Variants in MDM1 observed in about 807,000 individuals in gnomAD.
The protein encoded by MDM1 is stabilizer of axonemal microtubules 6.
A neutral mutation model predicts 89.1 loss-of-function variants in MDM1; 61 were observed. That is an observed-to-expected ratio of 0.68 (90% CI 0.56 to 0.85). The LOEUF (loss-of-function observed/expected upper bound fraction) is 0.85. Ranked by LOEUF, MDM1 falls within the 40% of genes least tolerant of loss-of-function variation. The pLI is 0.00. For synonymous variants in MDM1, 290 were observed against 294.1 expected (o/e 0.99, Z 0.14); for missense variants, 820 against 846.5 (o/e 0.97, Z 0.39).
At position 68,315,195 on chromosome 12, in the gene MDM1, C is replaced by T. The variant is rs767465566; in HGVS notation, c.1282G>A (p.Glu428Lys). The T allele has an allele frequency of 4.3e-6, 7 of 1,614,170 alleles. No homozygotes were observed. Among genetic ancestry groups the T allele is most frequent in the Non-Finnish European group, 5.9e-6 (7 of 1,180,018 alleles). Residue 428 changes from glutamate to lysine, a missense_variant, in exon 10 of 15, where the codon GAA (glutamate) becomes AAA (lysine). Glu to Lys is a moderately conservative substitution (Grantham distance 56). Transcript: ENST00000682720. ...GTGGTATTTTTCTGGGGCTGTTCTTCCACGATATTTCCTTTTTCTTCTGGT... is the reference window on the plus strand; with the variant it reads ...GTGGTATTTTTCTGGGGCTGTTCTTTCACGATATTTCCTTTTTCTTCTGGT... ...TEPEEKGNIVEEQPQKNTTEK... is the reference protein window; with the variant it reads ...TEPEEKGNIVKEQPQKNTTEK...
chr12:68,300,473 A>G (rs576014508), intron 13 of MDM1, among the ~76,000 whole-genome samples: 4 of 152,318 alleles, frequency 2.6e-5, no homozygotes, highest in African/African-American at 9.6e-5. Flanking sequence ...GTAGGAAAAG[A>G]TATTCCATGC....
intron 10 of MDM1, 143 bp downstream of exon 10, chr12:68,314,805 C>T (rs1175096991): frequency 3.7e-5 from 26 of 705,506 alleles, no homozygotes; most frequent in Non-Finnish European, 6.3e-5. Flanking sequence ...CACCATACAG[C>T]AGTGCCTCCT....
At chr12:68,301,634 T>C (rs1364571433) in intron 13 of MDM1, among the ~76,000 whole-genome samples, 1 of 151,766 alleles carries the variant, frequency 6.6e-6, no homozygotes, top group Non-Finnish European at 1.5e-5. Context: ...AAGATAAAAA[T>C]TAGTAACCCT....
intron 12 of MDM1, among the ~76,000 whole-genome samples, chr12:68,311,233 A>C (rs1327152333): frequency 1.3e-5 from 2 of 152,218 alleles, no homozygotes; most frequent in Non-Finnish European, 2.9e-5. Flanking sequence ...TTACTGGAGA[A>C]GGGCACACAA....
At chr12:68,316,445 GTTATTTTATTTCA>G in intron 8 of MDM1, 123 bp downstream of exon 8, 1 of 944,058 alleles carries the variant, frequency 1.1e-6, no homozygotes. Context: ...GCATGATGCA[GTTATTTTATTTCA>G]GACCAGCAGG....
In MDM1 at chr12:68,294,646, A is replaced by C. The variant is rs907710705; in HGVS notation, c.*608T>G. 19 of 152,258 alleles carry C rather than the reference A, an allele frequency of 1.2e-4. No homozygotes were observed. Among genetic ancestry groups the C allele is most frequent in the African/African-American group, 4.3e-4 (18 of 41,468 alleles). The allele number at this position is 152,258 out of a possible 1,614,324, so 9.4% of individuals were successfully genotyped here. A position where few individuals can be genotyped will look rare whatever the true frequency, so the allele number is the denominator to read the frequency against. ...ACAGGTAATTTTTCAAAATCTAGAC[A>C]TTATTCAAATGTAAGCCAAAGTCCT... On this transcript the variant is annotated 3_prime_UTR_variant, in exon 15 of 15. Coordinates refer to ENST00000682720, the MANE Select transcript of MDM1 (RefSeq NM_001354969.2).
At chr12:68,327,481 G>C in intron 2 of MDM1, 1 of 1,535,874 alleles carries the variant, frequency 6.5e-7, no homozygotes, top group Non-Finnish European at 8.7e-7. Context: ...TCACTGTGCT[G>C]GATCTTGGTT....
In MDM1 at chr12:68,316,581, C is replaced by T. The variant is rs1239328479; in HGVS notation, c.1035G>A (p.Glu345=). Reference sequence around the variant, plus strand: ...TTTTAAAAACTCAAAAGCAACCAACCTCAGCATACCACATGGCATTTAGAG... The same window carrying T: ...TTTTAAAAACTCAAAAGCAACCAACTTCAGCATACCACATGGCATTTAGAG... The part of the protein sequence containing the change: ...QGSLNAMWYA[E]VKELREKAEF... The change falls in exon 8 of 15, where the codon GAG becomes GAA. Residue 345 remains glutamate (E), a splice_region_variant and synonymous_variant. Coordinates refer to ENST00000682720, the MANE Select transcript of MDM1 (RefSeq NM_001354969.2). 2 of 1,534,596 alleles carry T rather than the reference C, an allele frequency of 1.3e-6. No homozygotes were observed. Among genetic ancestry groups the T allele is most frequent in the Non-Finnish European group, 8.7e-7 (1 of 1,145,946 alleles).
At chr12:68,317,826 T>G (rs1205361786) in intron 7 of MDM1, among the ~76,000 whole-genome samples, 1 of 152,168 alleles carries the variant, frequency 6.6e-6, no homozygotes, top group Non-Finnish European at 1.5e-5. Flanking sequence ...CTCGATATAC[T>G]CCAGATTTTA....
In MDM1 at chr12:68,332,314, G is replaced by GA; in HGVS notation, c.-70dup. On this transcript the variant is annotated 5_prime_UTR_variant, in exon 1 of 15. Coordinates refer to ENST00000682720, the MANE Select transcript of MDM1 (RefSeq NM_001354969.2). ...AGAAAAAGCTCCGAGGGGGCGGGGC[G>GA]ATAACAGTGTTCCCTAGCAAAGCCT... 6.7e-7 allele frequency: 1 copy of GA among 1,498,040 alleles called. No individual in the cohort carries two copies. The highest frequency in any genetic ancestry group is 8.9e-7 in the Non-Finnish European group (1 of 1,119,474). The allele number at this position is 1,498,040 out of a possible 1,614,324, so 92.8% of individuals were successfully genotyped here.
Position 68,316,240 on chromosome 12 carries a change from C to T in MDM1, c.1049G>A (p.Arg350Gln), listed in dbSNP as rs758306356. Residue 350 changes from arginine to glutamine, a missense_variant, in exon 9 of 15, where the codon CGA becomes CAA. Coordinates refer to ENST00000682720, the MANE Select transcript of MDM1 (RefSeq NM_001354969.2). ...AMWYAEVKELREKAEFYRKRV... is the reference protein window; with the variant it reads ...AMWYAEVKELQEKAEFYRKRV... ...CTTCCTATAAAACTCAGCCTTTTCT[C>T]GGAGTTCTTTAACCTATTCAGGAGA... is the stretch of plus-strand genomic sequence containing the variant. 1.9e-6 allele frequency: 3 copies of T among 1,613,034 alleles called. No individual in the cohort carries two copies. The highest frequency in any genetic ancestry group is 2.5e-6 in the Non-Finnish European group (3 of 1,179,578).
At position 68,326,832 on chromosome 12, in the gene MDM1, T is replaced by C. The variant is rs1229339268; in HGVS notation, c.323A>G (p.His108Arg). The part of the protein sequence containing the change: ...EQKDVTQERV[H>R]SLEASRVPKR... ...GGGAACCCTGGAAGCTTCTAGTGAG[T>C]GAACTCTTTCTTGAGTAACATCCTT... Residue 108 changes from histidine to arginine, a missense_variant, in exon 3 of 15, where the codon CAC becomes CGC. By Grantham distance (29) the His-to-Arg change is conservative. Coordinates refer to ENST00000682720, the MANE Select transcript of MDM1 (RefSeq NM_001354969.2). 1 of 1,613,920 alleles carries C rather than the reference T, an allele frequency of 6.2e-7. No homozygotes were observed. The highest frequency in any genetic ancestry group is 1.3e-5 in the African/African-American group (1 of 75,026).
chr12:68,322,942 A>G, intron 5 of MDM1, 131 bp downstream of exon 5: 1 of 802,790 alleles, frequency 1.2e-6, no homozygotes, highest in Non-Finnish European at 1.9e-6. Flanking sequence ...GGCTCAATGA[A>G]CATTTGATGA....
At chr12:68,311,704 G>A (rs2120930159) in intron 12 of MDM1, among the ~76,000 whole-genome samples, 1 of 152,256 alleles carries the variant, frequency 6.6e-6, no homozygotes. Context: ...CAAACATGCT[G>A]TTGTGTCTTC....
intron 7 of MDM1, among the ~76,000 whole-genome samples, chr12:68,320,755 A>G (rs1875118000): frequency 2.0e-5 from 3 of 152,228 alleles, no homozygotes; most frequent in African/African-American, 7.2e-5. Context: ...AATTAATACA[A>G]TAACAAAAAG....
chr12:68,315,238 C>G lies in MDM1; in HGVS notation c.1239G>C (p.Gln413His). The G allele has an allele frequency of 6.2e-7, 1 of 1,614,114 alleles. No homozygotes were observed. The change falls in exon 10 of 15, where the codon CAG (glutamine) becomes CAC (histidine). Residue 413 changes from glutamine (Q) to histidine (H), a missense_variant. Gln to His is a conservative substitution (Grantham distance 24). Coordinates refer to ENST00000682720, the MANE Select transcript of MDM1 (RefSeq NM_001354969.2). ...CTTCTGGTTCTGTAGAAGGACATTT[C>G]TGCAAAGTCTTATGGCTTGTAGGAT... Reference protein sequence around the residue: ...AGDPTSHKTLQKCPSTEPEEK... With the variant: ...AGDPTSHKTLHKCPSTEPEEK...
intron 5 of MDM1, among the ~76,000 whole-genome samples, chr12:68,322,495 A>G (rs932196337): frequency 1.3e-5 from 2 of 152,104 alleles, no homozygotes; most frequent in African/African-American, 4.8e-5. Flanking sequence ...TTAGCCGGGC[A>G]TGGTGGCGTG....
At chr12:68,318,472 T>A (rs907671942) in intron 7 of MDM1, among the ~76,000 whole-genome samples, 1 of 152,226 alleles carries the variant, frequency 6.6e-6, no homozygotes, top group Non-Finnish European at 1.5e-5. Context: ...GTTACTGACA[T>A]TTAAAACTAA....
chr12:68,301,620 A>C (rs1340545670), intron 13 of MDM1, among the ~76,000 whole-genome samples: 1 of 152,204 alleles, frequency 6.6e-6, no homozygotes, highest in African/African-American at 2.4e-5. Flanking sequence ...AACACAAAAG[A>C]TAGAAGATAA....
Sources: gnomAD v4.1 joint callset for allele counts (sites outside exome capture counted in the v4.1 genomes callset) on GRCh38, gnomAD v4.1.1 for gene constraint, MANE v1.5 for transcripts, NCBI Gene and HGNC (gene_info 2026-07-23, HGNC 2026-07-21) for gene names.